STPG2: variants seen among roughly 807,000 people sequenced by gnomAD.
STPG2 encodes the protein sperm-tail PG-rich repeat-containing protein 2.
A neutral mutation model predicts 54.2 loss-of-function variants in STPG2; 56 were observed. That is an observed-to-expected ratio of 1.03 (90% CI 0.83 to 1.29). The LOEUF (loss-of-function observed/expected upper bound fraction) is 1.29, where lower values mean the gene tolerates loss of function less well. Ranked by LOEUF, STPG2 falls within the 50% of genes most tolerant of loss-of-function variation. The pLI, the probability that STPG2 is intolerant of heterozygous loss-of-function variation, is 0.00. For synonymous variants in STPG2, 200 were observed against 181.8 expected (o/e 1.10, Z -0.81); for missense variants, 596 against 544.9 (o/e 1.09, Z -0.93).
At chr4:97,444,845 T>A (rs990460144) in intron 4 of STPG2, among the ~76,000 whole-genome samples, 4 of 152,016 alleles carry the variant, frequency 2.6e-5, no homozygotes, top group African/African-American at 9.7e-5. Context: ...CTGGCTAACA[T>A]CGTGAAACCC....
chr4:97,775,419 A>T (rs879575215), intron 9 of STPG2, among the ~76,000 whole-genome samples: 13 of 152,208 alleles, frequency 8.5e-5, no homozygotes, highest in African/African-American at 1.7e-4. Context: ...GTATAATTTT[A>T]AAAAATGCAA....
chr4:97,759,525 C>A (rs2149052243), intron 9 of STPG2, among the ~76,000 whole-genome samples: 1 of 152,040 alleles, frequency 6.6e-6, no homozygotes, highest in Middle Eastern at 3.4e-3. Flanking sequence ...AAGAGGTGGT[C>A]AGAAAGAATG....
At position 97,513,310 on chromosome 4, in the gene STPG2, A is replaced by G. The variant is rs372830600; in HGVS notation, c.462+199389T>C. ...CGTTCAGTTATCCAGAATCCCCTCT[A>G]AATCCTGTCTTTTGGGGTTTTTATG... On this transcript the variant is annotated intron_variant, in intron 4 of 4. Transcript: ENST00000522676. Among the ~76,000 whole-genome samples, 77 of 152,194 alleles carry G rather than the reference A, an allele frequency of 5.1e-4. 1 individual carries two copies. The highest frequency in any genetic ancestry group is 9.4e-4 in the Non-Finnish European group (64 of 67,998).
chr4:97,980,786 T>A (rs188737406), intron 6 of STPG2, among the ~76,000 whole-genome samples: 31 of 152,300 alleles, frequency 2.0e-4, no homozygotes, highest in African/African-American at 6.7e-4. Context: ...AATACATGAT[T>A]GAAAACCTCT....
chr4:97,583,263 A>G (rs976089194), intron 10 of STPG2, among the ~76,000 whole-genome samples: 1 of 151,968 alleles, frequency 6.6e-6, no homozygotes, highest in Non-Finnish European at 1.5e-5. Flanking sequence ...TAAAGTAGCA[A>G]TGGAAGAGGT....
intron 4 of STPG2, among the ~76,000 whole-genome samples, chr4:97,511,658 T>G (rs1310985226): frequency 1.3e-5 from 2 of 152,084 alleles, no homozygotes; most frequent in African/African-American, 4.8e-5. Context: ...GCACAATACC[T>G]GCAGAATAAA....
intron 9 of STPG2, among the ~76,000 whole-genome samples, chr4:97,722,312 G>C (rs1293574189): frequency 1.3e-5 from 2 of 151,300 alleles, no homozygotes; most frequent in Admixed American, 6.6e-5. Flanking sequence ...AGGGGAAATG[G>C]TGAGTTCTAC....
At chr4:97,891,028 C>T (rs758424569) in intron 8 of STPG2, among the ~76,000 whole-genome samples, 7 of 151,578 alleles carry the variant, frequency 4.6e-5, no homozygotes, top group Non-Finnish European at 1.0e-4. Context: ...GGTAGGAGAA[C>T]TGAAACCAAA....
intron 4 of STPG2, among the ~76,000 whole-genome samples, chr4:97,458,074 C>G (rs1729572446): frequency 6.6e-6 from 1 of 152,142 alleles, no homozygotes; most frequent in South Asian, 2.1e-4. Context: ...GACTAGCGTT[C>G]TTACTAGAGA....
At chr4:97,756,686 AG>A (rs1451754277) in intron 9 of STPG2, among the ~76,000 whole-genome samples, 2 of 152,114 alleles carry the variant, frequency 1.3e-5, no homozygotes, top group African/African-American at 4.8e-5. Context: ...AGTGTCTTTT[AG>A]CAAGAACTCC....
intron 8 of STPG2, among the ~76,000 whole-genome samples, chr4:97,919,630 T>C (rs939730570): frequency 1.3e-5 from 2 of 151,976 alleles, no homozygotes; most frequent in African/African-American, 2.4e-5. Flanking sequence ...AAAGAAGAAA[T>C]AGTTCAATAT....
At chr4:97,625,988 T>C (rs911204259) in intron 10 of STPG2, among the ~76,000 whole-genome samples, 2 of 152,316 alleles carry the variant, frequency 1.3e-5, no homozygotes, top group South Asian at 2.1e-4. Context: ...CTTCTTAAAG[T>C]TGGATGGCAA....
At chr4:97,454,715 A>G (rs1729472268) in intron 4 of STPG2, among the ~76,000 whole-genome samples, 1 of 152,082 alleles carries the variant, frequency 6.6e-6, no homozygotes, top group African/African-American at 2.4e-5. Flanking sequence ...GAAAATACAA[A>G]TGAATATCAT....
chr4:97,906,985 C>G (rs1320113393), intron 8 of STPG2, among the ~76,000 whole-genome samples: 12 of 149,912 alleles, frequency 8.0e-5, no homozygotes, highest in Admixed American at 2.7e-4. Flanking sequence ...CTCACCACTC[C>G]TATTCAACAT....
intron 8 of STPG2, among the ~76,000 whole-genome samples, chr4:97,877,027 C>T (rs779942830): frequency 6.6e-6 from 1 of 152,046 alleles, no homozygotes; most frequent in Non-Finnish European, 1.5e-5. Context: ...TCTATGTATA[C>T]ATTGTAGAAA....
At chr4:97,571,430 C>G (rs1732597752) in intron 10 of STPG2, among the ~76,000 whole-genome samples, 3 of 152,126 alleles carry the variant, frequency 2.0e-5, no homozygotes, top group Admixed American at 2.0e-4. Flanking sequence ...ACGGCACTAA[C>G]ATCAACACAG....
At chr4:97,905,703 G>C (rs1731384499) in intron 8 of STPG2, among the ~76,000 whole-genome samples, 1 of 152,062 alleles carries the variant, frequency 6.6e-6, no homozygotes, top group African/African-American at 2.4e-5. Context: ...GCTGTATTCA[G>C]GAAACCCATC....
At chr4:98,045,353 C>A (rs1378184771) in intron 5 of STPG2, among the ~76,000 whole-genome samples, 1 of 152,126 alleles carries the variant, frequency 6.6e-6, no homozygotes, top group Non-Finnish European at 1.5e-5. Context: ...CCCTCTAAGA[C>A]AAACACCAAA....
chr4:97,841,023 A>G (rs1728787783), intron 8 of STPG2, 91 bp from the exon 9 acceptor site: 2 of 1,267,382 alleles, frequency 1.6e-6, no homozygotes, highest in Admixed American at 2.7e-5. Flanking sequence ...TAAGCAATGA[A>G]TAGAAAAATC....
Sources: gnomAD v4.1 joint callset for allele counts (sites outside exome capture counted in the v4.1 genomes callset) on GRCh38, gnomAD v4.1.1 for gene constraint, MANE v1.5 for transcripts, NCBI Gene and HGNC (gene_info 2026-07-23, HGNC 2026-07-21) for gene names.